The following LINGO2 variants were observed in gnomAD, a reference collection of about 807,000 sequenced individuals.
LINGO2 encodes leucine-rich repeat and immunoglobulin-like domain-containing nogo receptor-interacting protein 2.
LINGO2 carries 14 observed loss-of-function variants against 30.6 expected under a neutral mutation model. The observed-to-expected ratio is 0.46, with a 90% CI of 0.30 to 0.72. The LOEUF (loss-of-function observed/expected upper bound fraction) is 0.72, where lower values mean the gene tolerates loss of function less well. Ranked by LOEUF, LINGO2 falls within the 30% of genes least tolerant of loss-of-function variation. LINGO2 has a pLI of 0.07. For missense variants in LINGO2, 729 were observed against 751.7 expected, an observed-to-expected ratio of 0.97 and a Z score of 0.35; for synonymous variants, 317 against 288.5, an observed-to-expected ratio of 1.10 and a Z score of -1.00.
chr9:29,048,492 C>A, the LINGO2 span, among the ~76,000 whole-genome samples: 1 of 151,954 alleles, frequency 6.6e-6, no homozygotes, highest in African/African-American at 2.4e-5. Flanking sequence ...ATATGGACCA[C>A]AGAAGACGCA....
At chr9:27,974,509 G>T (rs10968242) in intron 5 of LINGO2, among the ~76,000 whole-genome samples, 9,294 of 152,084 alleles carry the variant, frequency 0.061, 791 homozygotes, top group African/African-American at 0.18. Context: ...TTGGATAATG[G>T]GGATTCCCTC....
At chr9:28,358,368 C>T (rs1238312354) in intron 3 of LINGO2, among the ~76,000 whole-genome samples, 1 of 152,144 alleles carries the variant, frequency 6.6e-6, no homozygotes, top group African/African-American at 2.4e-5. Flanking sequence ...GCAGTATCTC[C>T]TGTCATATAT....
At chr9:28,013,686 G>A (rs1822674309) in intron 4 of LINGO2, among the ~76,000 whole-genome samples, 1 of 152,104 alleles carries the variant, frequency 6.6e-6, no homozygotes, top group Non-Finnish European at 1.5e-5. Flanking sequence ...CTTTATGGTT[G>A]GTTCCTGGCT....
chr9:28,550,545 A>G (rs1365190758), intron 1 of LINGO2, among the ~76,000 whole-genome samples: 1 of 151,714 alleles, frequency 6.6e-6, no homozygotes, highest in African/African-American at 2.4e-5. Context: ...AAATTGTTCT[A>G]TTATTTCAGT....
intron 1 of LINGO2, among the ~76,000 whole-genome samples, chr9:28,577,637 T>C (rs573260791): frequency 6.6e-6 from 1 of 152,306 alleles, no homozygotes; most frequent in Non-Finnish European, 1.5e-5. Flanking sequence ...TGGTTCTATC[T>C]GGGCAGCAGG....
chr9:28,283,605 A>G lies in LINGO2; in HGVS notation c.-87+11603T>C, dbSNP rs10968435. Among the ~76,000 whole-genome samples the G allele has an allele frequency of 0.016, 2,414 of 152,280 alleles. 139 individuals are homozygous for G. In the East Asian group the frequency reaches 0.19, roughly 12 times the overall value. On this transcript the variant is annotated intron_variant, in intron 4 of 5. Transcript: ENST00000379992. ...AATATTATGAAAACTCACAGATTTC[A>G]AAAAGAGGATACTTTGGGAGAAAAA...
chr9:28,093,475 A>T (rs1166080399), intron 4 of LINGO2, among the ~76,000 whole-genome samples: 1 of 152,102 alleles, frequency 6.6e-6, no homozygotes, highest in Non-Finnish European at 1.5e-5. Context: ...GAAGTCATTC[A>T]TGGACTGTAT....
intron 1 of LINGO2, among the ~76,000 whole-genome samples, chr9:28,616,057 T>C (rs756644008): frequency 2.0e-5 from 3 of 152,110 alleles, no homozygotes; most frequent in Non-Finnish European, 4.4e-5. Context: ...TAATGTTCCA[T>C]TGATCTGGAT....
the LINGO2 span, among the ~76,000 whole-genome samples, chr9:29,021,933 CTGTT>C: frequency 2.6e-5 from 4 of 151,796 alleles, no homozygotes; most frequent in Admixed American, 1.3e-4. Flanking sequence ...AATAAATTAT[CTGTT>C]TGTCATGAAA....
the LINGO2 span, among the ~76,000 whole-genome samples, chr9:28,687,367 T>C: frequency 6.6e-6 from 1 of 152,138 alleles, no homozygotes; most frequent in Non-Finnish European, 1.5e-5. Context: ...ATTGACTTCA[T>C]GTTAATTTTC....
chr9:28,140,197 T>G (rs1827633194), intron 4 of LINGO2, among the ~76,000 whole-genome samples: 2 of 152,176 alleles, frequency 1.3e-5, no homozygotes, highest in African/African-American at 4.8e-5. Flanking sequence ...AAAAGCTTCT[T>G]CATGTACTCT....
chr9:28,100,661 C>A (rs917042233), intron 4 of LINGO2, among the ~76,000 whole-genome samples: 1 of 152,148 alleles, frequency 6.6e-6, no homozygotes, highest in Non-Finnish European at 1.5e-5. Context: ...TAACACAGAA[C>A]CAAAGCATAA....
At chr9:29,204,670 T>C in the LINGO2 span, among the ~76,000 whole-genome samples, 1 of 152,220 alleles carries the variant, frequency 6.6e-6, no homozygotes, top group African/African-American at 2.4e-5. Context: ...ACCAGAAACA[T>C]ACTGCATGAA....
At chr9:29,112,623 T>G in the LINGO2 span, among the ~76,000 whole-genome samples, 13 of 152,202 alleles carry the variant, frequency 8.5e-5, no homozygotes, top group African/African-American at 2.9e-4. Context: ...TCTTGGCACA[T>G]TCATAACCCA....
At chr9:28,678,898 TA>T in the LINGO2 span, among the ~76,000 whole-genome samples, 1 of 152,230 alleles carries the variant, frequency 6.6e-6, no homozygotes, top group South Asian at 2.1e-4. Flanking sequence ...ATTAATCAGG[TA>T]AATAAATGTG....
chr9:29,024,977 T>C, the LINGO2 span, among the ~76,000 whole-genome samples: 5 of 152,126 alleles, frequency 3.3e-5, no homozygotes, highest in South Asian at 6.2e-4. Context: ...CGATGGCTTA[T>C]ATTGTTTATC....
At chr9:28,196,675 T>A (rs1820025054) in intron 4 of LINGO2, among the ~76,000 whole-genome samples, 1 of 151,960 alleles carries the variant, frequency 6.6e-6, no homozygotes, top group African/African-American at 2.4e-5. Context: ...TTCTCTTAAA[T>A]CAATTTAGAA....
chr9:28,382,602 G>T (rs2072710166), intron 2 of LINGO2, among the ~76,000 whole-genome samples: 2 of 152,078 alleles, frequency 1.3e-5, no homozygotes, highest in African/African-American at 4.8e-5. Context: ...GCAGTCTGCA[G>T]CTCTTCAACA....
the LINGO2 span, among the ~76,000 whole-genome samples, chr9:29,130,001 G>C: frequency 3.2e-4 from 49 of 152,240 alleles, no homozygotes; most frequent in Non-Finnish European, 4.7e-4. Context: ...AAAAGCATAG[G>C]AATGTGGAAT....
Sources: allele counts gnomAD v4.1 joint callset (sites outside exome capture counted in the v4.1 genomes callset), GRCh38; gene constraint gnomAD v4.1.1; transcripts MANE v1.5; gene names NCBI Gene and HGNC (gene_info 2026-07-23, HGNC 2026-07-21).